Variants in SMAP1 observed in about 807,000 individuals in gnomAD.
The protein encoded by SMAP1 is stromal membrane-associated protein 1.
Under a neutral mutation model 58.5 loss-of-function variants are expected in SMAP1, and 24 were observed. The ratio of observed to expected loss-of-function variants is 0.41; its 90% CI spans 0.30 to 0.58. The LOEUF is 0.58. Among genes scored for constraint, SMAP1 ranks in the 20% least tolerant of loss-of-function variants. SMAP1 has a pLI of 0.29. For synonymous variants in SMAP1, 216 were observed against 196.6 expected (o/e 1.10, Z -0.82); for missense variants, 563 against 566.3 (o/e 0.99, Z 0.06).
chr6:70,817,708 AG>A (rs1582248749), intron 6 of SMAP1, among the ~76,000 whole-genome samples: 2 of 152,286 alleles, frequency 1.3e-5, no homozygotes, highest in East Asian at 3.9e-4. Context: ...GATTTTAAAG[AG>A]GGGTCAAAAA....
intron 6 of SMAP1, among the ~76,000 whole-genome samples, chr6:70,810,449 C>T (rs914840464): frequency 1.3e-5 from 2 of 152,174 alleles, no homozygotes; most frequent in African/African-American, 4.8e-5. Context: ...TCACTAATGC[C>T]TTGGCATTCA....
chr6:70,786,744 C>G (rs1768053045), intron 4 of SMAP1, among the ~76,000 whole-genome samples: 2 of 152,140 alleles, frequency 1.3e-5, no homozygotes, highest in South Asian at 4.1e-4. Flanking sequence ...ATCCAACTTA[C>G]AAAGGATGTG....
intron 10 of SMAP1, chr6:70,859,321 A>C (rs1771590268): frequency 6.5e-7 from 1 of 1,544,470 alleles, no homozygotes; most frequent in Admixed American, 2.0e-5. Flanking sequence ...ACTGGCTCTT[A>C]CTTCCAGATA....
chr6:70,836,365 G>A (rs1038442092), intron 6 of SMAP1, among the ~76,000 whole-genome samples: 10 of 151,802 alleles, frequency 6.6e-5, no homozygotes, highest in Non-Finnish European at 1.3e-4. Flanking sequence ...GGAAAGACCC[G>A]CCCCCGTGAT....
intron 1 of SMAP1, among the ~76,000 whole-genome samples, chr6:70,677,729 A>G (rs974185295): frequency 6.6e-6 from 1 of 152,048 alleles, no homozygotes; most frequent in Non-Finnish European, 1.5e-5. Context: ...TCAAACTTTT[A>G]TAGTTTTTAT....
At chr6:70,810,612 TTTCA>T (rs1487559875) in intron 6 of SMAP1, among the ~76,000 whole-genome samples, 1 of 152,196 alleles carries the variant, frequency 6.6e-6, no homozygotes, top group African/African-American at 2.4e-5. Context: ...GGTCTCACTA[TTTCA>T]TTCAGGCTGG....
chr6:70,752,486 A>C (rs1766320178), intron 2 of SMAP1, among the ~76,000 whole-genome samples: 1 of 152,198 alleles, frequency 6.6e-6, no homozygotes, highest in Admixed American at 6.5e-5. Context: ...TGAAATTTAA[A>C]ATTGCAAATA....
chr6:70,772,096 C>G (rs1767349687), intron 3 of SMAP1, among the ~76,000 whole-genome samples: 1 of 152,122 alleles, frequency 6.6e-6, no homozygotes, highest in Admixed American at 6.6e-5. Flanking sequence ...ATGTGCATAT[C>G]TTGGGGATAT....
intron 1 of SMAP1, among the ~76,000 whole-genome samples, chr6:70,681,781 A>T (rs1463233122): frequency 6.6e-6 from 1 of 152,164 alleles, no homozygotes; most frequent in African/African-American, 2.4e-5. Flanking sequence ...GAGTTGTGTT[A>T]TTCATACACA....
chr6:70,767,409 CTCTTT>C (rs1476995923), intron 3 of SMAP1, among the ~76,000 whole-genome samples: 1 of 152,146 alleles, frequency 6.6e-6, no homozygotes, highest in African/African-American at 2.4e-5. Flanking sequence ...TGTTTGTATT[CTCTTT>C]TATTTCATTG....
intron 1 of SMAP1, among the ~76,000 whole-genome samples, chr6:70,701,929 T>C (rs1767646252): frequency 6.6e-6 from 1 of 152,230 alleles, no homozygotes; most frequent in South Asian, 2.1e-4. Flanking sequence ...TGCCTCCTAC[T>C]TCATTGATTA....
chr6:70,677,487 C>T (rs1255600500), intron 1 of SMAP1, among the ~76,000 whole-genome samples: 9 of 117,884 alleles, frequency 7.6e-5, no homozygotes, highest in South Asian at 2.8e-4. Flanking sequence ...GGCTCGATCT[C>T]GGCTCATTGC....
chr6:70,852,517 A>G lies in SMAP1; in HGVS notation c.665-23A>G, dbSNP rs184390657. On this transcript the variant is annotated intron_variant, in intron 7 of 10. Transcript: ENST00000370455. ...GTAATTTAAGATATTCTACGTTAAG[A>G]CGAGAATCTATATTCTTTTCAGATG... The G allele has an allele frequency of 1.8e-5, 28 of 1,515,690 alleles. No individual in the cohort carries two copies. The East Asian group carries it at 2.7e-4, about 14-fold the overall frequency. The allele number at this position is 1,515,690 out of a possible 1,614,324, so 93.9% of individuals were successfully genotyped here.
chr6:70,833,607 A>G lies in SMAP1; in HGVS notation c.577-3334A>G, dbSNP rs558807139. 1.5e-4 allele frequency among the ~76,000 whole-genome samples: 23 copies of G among 152,338 alleles called. No homozygotes were observed. In the South Asian group the frequency reaches 1.9e-3, roughly 12 times the overall value. ...CATAATCTGACCATTGTAGGAGCAA[A>G]GGAGCAGACTGTCTTTAGAGCAGCA... On this transcript the variant is annotated intron_variant, in intron 6 of 10. Coordinates refer to ENST00000370455, the MANE Select transcript of SMAP1 (RefSeq NM_001044305.3).
At position 70,860,837 on chromosome 6, in the gene SMAP1, G is replaced by T. The variant is rs533724392; in HGVS notation, c.*503G>T. The T allele has an allele frequency of 2.8e-5, 11 of 395,862 alleles. No individual in the cohort carries two copies. The South Asian group carries it at 1.3e-3, about 48-fold the overall frequency. 24.5% of individuals were successfully genotyped at this position (395,862 alleles called of 1,614,324 possible). On this transcript the variant is annotated 3_prime_UTR_variant, in exon 11 of 11. Transcript: ENST00000370455. Reference sequence around the variant, plus strand: ...CTTATTTCATCATTCACTTCACTGTGCTGTTGTTATGATGTGCTTAACAGG... The same window carrying T: ...CTTATTTCATCATTCACTTCACTGTTCTGTTGTTATGATGTGCTTAACAGG...
chr6:70,837,969 C>T (rs977681781), intron 7 of SMAP1: 9 of 1,017,106 alleles, frequency 8.8e-6, no homozygotes, highest in Non-Finnish European at 1.1e-5. Flanking sequence ...AATATACTCC[C>T]TGGAGGTACA....
chr6:70,735,011 G>C (rs147360541), intron 2 of SMAP1: 2 of 152,992 alleles, frequency 1.3e-5, no homozygotes, highest in African/African-American at 4.8e-5. Flanking sequence ...GATGATACTG[G>C]TGAGTGTCTG....
At chr6:70,803,521 T>G (rs752468579) in intron 6 of SMAP1, among the ~76,000 whole-genome samples, 6 of 152,314 alleles carry the variant, frequency 3.9e-5, no homozygotes, top group Non-Finnish European at 8.8e-5. Flanking sequence ...CTTAGTTATT[T>G]CTTGCCTTCT....
chr6:70,820,202 T>C (rs1230831343), intron 6 of SMAP1, among the ~76,000 whole-genome samples: 1 of 152,220 alleles, frequency 6.6e-6, no homozygotes, highest in East Asian at 1.9e-4. Context: ...TTTATACCTT[T>C]AAGGAATATC....
Sources: gnomAD v4.1 joint callset for allele counts (sites outside exome capture counted in the v4.1 genomes callset) on GRCh38, gnomAD v4.1.1 for gene constraint, MANE v1.5 for transcripts, NCBI Gene and HGNC (gene_info 2026-07-23, HGNC 2026-07-21) for gene names.